Variants in PDZRN4 observed in about 807,000 individuals in gnomAD.
The protein encoded by PDZRN4 is PDZ domain-containing RING finger protein 4.
A neutral mutation model predicts 99.0 loss-of-function variants in PDZRN4; 70 were observed. The ratio of observed to expected loss-of-function variants is 0.71; its 90% CI spans 0.58 to 0.86. The LOEUF is 0.86. PDZRN4 is among the 40% of genes least tolerant of loss of function. PDZRN4 has a pLI of 0.00. For missense variants in PDZRN4, 1,474 were observed against 1,331.2 expected, an observed-to-expected ratio of 1.11 and a Z score of -1.67; for synonymous variants, 551 against 501.6, an observed-to-expected ratio of 1.10 and a Z score of -1.32.
chr12:41,211,569 T>C (rs953688459), intron 3 of PDZRN4, among the ~76,000 whole-genome samples: 4 of 151,972 alleles, frequency 2.6e-5, no homozygotes, highest in African/African-American at 9.7e-5. Context: ...CAGAGAGATA[T>C]GATCTTAATC....
intron 3 of PDZRN4, among the ~76,000 whole-genome samples, chr12:41,259,893 G>T (rs1331806730): frequency 1.3e-5 from 2 of 152,092 alleles, no homozygotes; most frequent in African/African-American, 2.4e-5. Flanking sequence ...AAATCGAAGT[G>T]TCAGTTACAG....
At chr12:41,476,585 C>T (rs760423934) in intron 3 of PDZRN4, among the ~76,000 whole-genome samples, 3 of 152,134 alleles carry the variant, frequency 2.0e-5, no homozygotes, top group Non-Finnish European at 4.4e-5. Flanking sequence ...TGCTCCTACC[C>T]GAGGAACACC....
At chr12:41,224,577 A>C (rs1950980685) in intron 3 of PDZRN4, among the ~76,000 whole-genome samples, 1 of 152,178 alleles carries the variant, frequency 6.6e-6, no homozygotes. Context: ...AGAGAAAATC[A>C]AGAGAATTTC....
chr12:41,191,609 T>G, intron 2 of PDZRN4, 65 bp downstream of exon 2: 1 of 772,612 alleles, frequency 1.3e-6, no homozygotes, highest in Admixed American at 2.2e-5. Flanking sequence ...CATTACTCAT[T>G]GCTTATAAAA....
intron 3 of PDZRN4, among the ~76,000 whole-genome samples, chr12:41,423,803 G>C (rs1483526300): frequency 6.6e-6 from 1 of 152,144 alleles, no homozygotes; most frequent in Non-Finnish European, 1.5e-5. Flanking sequence ...ATAAGGCTAT[G>C]GGGAGCTGGG....
chr12:41,450,693 G>A (rs530307029), intron 3 of PDZRN4, among the ~76,000 whole-genome samples: 13 of 152,142 alleles, frequency 8.5e-5, no homozygotes, highest in African/African-American at 2.4e-4. Context: ...GAGCTGAGGC[G>A]GGGGGATCAC....
chr12:41,341,113 A>G (rs1253618319), intron 3 of PDZRN4, among the ~76,000 whole-genome samples: 1 of 151,758 alleles, frequency 6.6e-6, no homozygotes, highest in Admixed American at 6.6e-5. Flanking sequence ...AAACGTGATC[A>G]TTTCAATAGA....
intron 3 of PDZRN4, among the ~76,000 whole-genome samples, chr12:41,450,490 A>C (rs575389619): frequency 8.5e-5 from 13 of 152,336 alleles, no homozygotes; most frequent in South Asian, 8.3e-4. Context: ...TAAGACTAGA[A>C]TCTTATTCAG....
rs1314647693 is a variant in PDZRN4, at chr12:41,314,956, G to A, written c.843+120768G>A. On this transcript the variant is annotated intron_variant, in intron 3 of 9. Transcript: ENST00000402685. ...AAACTAGCTTTAAGTCATCAAGAAT[G>A]GTAACTCATGCAGACAGAGGTCACC... Among the ~76,000 whole-genome samples, 8 of 152,024 alleles carry A rather than the reference G, an allele frequency of 5.3e-5. No individual in the cohort carries two copies. The East Asian group carries it at 1.6e-3, about 30-fold the overall frequency.
intron 3 of PDZRN4, among the ~76,000 whole-genome samples, chr12:41,478,400 G>A (rs1937624828): frequency 6.6e-6 from 1 of 152,144 alleles, no homozygotes; most frequent in Non-Finnish European, 1.5e-5. Flanking sequence ...ACAAGCATGA[G>A]CCACTGCACC....
chr12:41,501,977 C>T (rs1011395689), intron 3 of PDZRN4, among the ~76,000 whole-genome samples: 10 of 152,140 alleles, frequency 6.6e-5, no homozygotes, highest in African/African-American at 2.4e-4. Context: ...CTACCCTCTC[C>T]ACTTTTTTTC....
intron 3 of PDZRN4, among the ~76,000 whole-genome samples, chr12:41,294,518 A>G (rs936472617): frequency 6.6e-6 from 1 of 152,220 alleles, no homozygotes; most frequent in African/African-American, 2.4e-5. Context: ...AAATGAGGGA[A>G]GGGAATTCAT....
intron 3 of PDZRN4, among the ~76,000 whole-genome samples, chr12:41,332,857 A>G (rs1280533289): frequency 2.0e-5 from 3 of 152,070 alleles, no homozygotes; most frequent in South Asian, 2.1e-4. Context: ...TGCAATGACA[A>G]TAACAACAAA....
intron 3 of PDZRN4, among the ~76,000 whole-genome samples, chr12:41,217,137 A>C (rs1358783880): frequency 6.6e-6 from 1 of 152,108 alleles, no homozygotes; most frequent in Non-Finnish European, 1.5e-5. Flanking sequence ...AGTGTGCTTA[A>C]AGCTAGAGCA....
intron 3 of PDZRN4, among the ~76,000 whole-genome samples, chr12:41,427,862 C>G (rs1395377733): frequency 6.6e-6 from 1 of 152,066 alleles, no homozygotes; most frequent in Non-Finnish European, 1.5e-5. Context: ...GGCTGGTGGG[C>G]AGATCACCTG....
chr12:41,465,335 A>G (rs1272194276), intron 3 of PDZRN4, among the ~76,000 whole-genome samples: 1 of 152,208 alleles, frequency 6.6e-6, no homozygotes, highest in Non-Finnish European at 1.5e-5. Flanking sequence ...ATCTAAACAC[A>G]TTAGTGAACA....
chr12:41,497,493 C>T (rs1189544452), intron 3 of PDZRN4, among the ~76,000 whole-genome samples: 5 of 152,016 alleles, frequency 3.3e-5, no homozygotes, highest in Non-Finnish European at 5.9e-5. Flanking sequence ...TTTAGTATTA[C>T]GTTAGGAAGT....
chr12:41,420,703 C>T (rs7298808), intron 3 of PDZRN4, among the ~76,000 whole-genome samples: 79,110 of 151,956 alleles, frequency 0.52, 21,249 homozygotes, highest in African/African-American at 0.67. Context: ...CATCTTTTGA[C>T]TTATTTTAAA....
intron 3 of PDZRN4, among the ~76,000 whole-genome samples, chr12:41,256,982 A>G (rs1029732307): frequency 3.3e-5 from 5 of 152,114 alleles, no homozygotes; most frequent in Admixed American, 3.3e-4. Context: ...CATTTCTTGA[A>G]CCTACTCACT....
Sources: allele counts gnomAD v4.1 joint callset (sites outside exome capture counted in the v4.1 genomes callset), GRCh38; gene constraint gnomAD v4.1.1; transcripts MANE v1.5; gene names NCBI Gene and HGNC (gene_info 2026-07-23, HGNC 2026-07-21).